Variants in MGST1 observed in about 807,000 individuals in gnomAD.
The protein encoded by MGST1 is microsomal glutathione S-transferase 1.
Under a neutral mutation model 8.9 loss-of-function variants are expected in MGST1, and 5 were observed. That is an observed-to-expected ratio of 0.56 (90% CI 0.29 to 1.19). The LOEUF is 1.19. MGST1 is among the 50% of genes most tolerant of loss of function. The pLI is 0.08. For synonymous variants in MGST1, 54 were observed against 67.8 expected, an observed-to-expected ratio of 0.80 and a Z score of 1.00; for missense variants, 182 against 187.4, an observed-to-expected ratio of 0.97 and a Z score of 0.17.
chr12:16,390,554 T>G (rs1355036707), intron 1 of MGST1, among the ~76,000 whole-genome samples: 1 of 152,174 alleles, frequency 6.6e-6, no homozygotes, highest in Non-Finnish European at 1.5e-5. Context: ...CAGTATTTGG[T>G]TTTCTGTTTC....
intron 4 of MGST1, among the ~76,000 whole-genome samples, chr12:16,449,073 T>C (rs760508917): frequency 3.9e-5 from 6 of 151,972 alleles, no homozygotes; most frequent in Non-Finnish European, 5.9e-5. Context: ...TAACTTTAGT[T>C]GTTATATTAG....
chr12:16,431,835 AAAC>A (rs1164937256), intron 1 of MGST1, among the ~76,000 whole-genome samples: 2 of 152,198 alleles, frequency 1.3e-5, no homozygotes, highest in African/African-American at 4.8e-5. Context: ...CAACAACAAC[AAAC>A]AACAACAAAA....
chr12:16,548,290 A>G lies in MGST1; in HGVS notation n.483-41238A>G, dbSNP rs1941862426. The G allele has an allele frequency of 6.6e-6, 1 of 151,514 alleles. No homozygotes were observed. The highest frequency in any genetic ancestry group is 6.6e-5 in the Admixed American group (1 of 15,100). The allele number at this position is 151,514 out of a possible 1,614,324, so 9.4% of individuals were successfully genotyped here. A position where few individuals can be genotyped will look rare whatever the true frequency, so the allele number is the denominator to read the frequency against. On this transcript the variant is annotated intron_variant and non_coding_transcript_variant, in intron 4 of 4. Coordinates refer to the MGST1 transcript ENST00000538857. This position sits in a 1 kb window ranked among gnomAD's most constrained non-coding sequence, Gnocchi z 4.2. ...TTAGCTTTAGAAAGTAAATGTCCTT[A>G]CACACCTTTTTTTTCTTTTCATGGA...
intron 4 of MGST1, among the ~76,000 whole-genome samples, chr12:16,529,528 A>G (rs753496566): frequency 1.5e-4 from 23 of 152,014 alleles, no homozygotes; most frequent in Admixed American, 6.6e-4. Flanking sequence ...TTTTTAATAT[A>G]CCTGTCTTTA....
At chr12:16,565,196 C>T (rs1243330780) in intron 4 of MGST1, among the ~76,000 whole-genome samples, 3 of 152,044 alleles carry the variant, frequency 2.0e-5, no homozygotes, top group Admixed American at 6.6e-5. Flanking sequence ...GTTTGGCTTT[C>T]GAAGACTATG....
intron 4 of MGST1, among the ~76,000 whole-genome samples, chr12:16,583,885 A>G (rs1302566346): frequency 6.6e-6 from 1 of 152,198 alleles, no homozygotes; most frequent in Non-Finnish European, 1.5e-5. Context: ...AGGTTTGACC[A>G]AATTAGGAGA....
intron 4 of MGST1, among the ~76,000 whole-genome samples, chr12:16,561,306 C>A (rs763487013): frequency 2.0e-5 from 3 of 152,116 alleles, no homozygotes; most frequent in Non-Finnish European, 4.4e-5. Context: ...TCCATTTGCA[C>A]TGGCAATATT....
In MGST1 at chr12:16,587,988, T is replaced by A. The variant is rs1042684396; in HGVS notation, n.483-1540T>A. Reference sequence around the variant, plus strand: ...GCTTAAAAAGTCCCTTTCTTTCAGATAATTACCCTGTCTTTCTCTTACGAC... The same window carrying A: ...GCTTAAAAAGTCCCTTTCTTTCAGAAAATTACCCTGTCTTTCTCTTACGAC... On this transcript the variant is annotated intron_variant and non_coding_transcript_variant, in intron 4 of 4. Coordinates refer to the MGST1 transcript ENST00000538857. This position sits in a 1 kb window ranked among gnomAD's most constrained non-coding sequence, Gnocchi z 4.3. 6.6e-6 allele frequency among the ~76,000 whole-genome samples: 1 copy of A among 152,140 alleles called. No individual in the cohort carries two copies. Among genetic ancestry groups the A allele is most frequent in the African/African-American group, 2.4e-5 (1 of 41,456 alleles).
intron 4 of MGST1, among the ~76,000 whole-genome samples, chr12:16,491,188 G>A (rs1328008886): frequency 6.6e-6 from 1 of 152,104 alleles, no homozygotes; most frequent in African/African-American, 2.4e-5. Flanking sequence ...TCTGTTGTAT[G>A]GTCATCCTTT....
chr12:16,564,730 G>C (rs1369163075), intron 4 of MGST1, among the ~76,000 whole-genome samples: 5 of 152,124 alleles, frequency 3.3e-5, no homozygotes, highest in Non-Finnish European at 7.3e-5. Context: ...CCTTAATTCT[G>C]AGTAAAGATC....
chr12:16,393,857 A>G (rs1035514603), intron 1 of MGST1, among the ~76,000 whole-genome samples: 1 of 152,220 alleles, frequency 6.6e-6, no homozygotes, highest in African/African-American at 2.4e-5. Flanking sequence ...ATCAAATGGT[A>G]TAGTCTTTTA....
chr12:16,529,980 A>G (rs1941712283), intron 4 of MGST1, among the ~76,000 whole-genome samples: 1 of 152,130 alleles, frequency 6.6e-6, no homozygotes, highest in Non-Finnish European at 1.5e-5. Flanking sequence ...AGTTTCTGCA[A>G]ATAGCAAAAA....
chr12:16,435,275 A>C lies in MGST1; in HGVS notation n.779-2113A>C, dbSNP rs12425588. ...AAAAAATACAAATGAATATATATTG[A>C]TATAGCCCAGGTACACTAATGAATT... On this transcript the variant is annotated intron_variant and non_coding_transcript_variant, in intron 1 of 1. Transcript: ENST00000359720. Among the ~76,000 whole-genome samples the C allele has an allele frequency of 4.6e-3, 702 of 152,056 alleles. 14 individuals carry two copies. Among genetic ancestry groups the C allele is most frequent in the East Asian group, 0.017 (90 of 5,158 alleles).
intron 4 of MGST1, among the ~76,000 whole-genome samples, chr12:16,444,787 G>A (rs968439323): frequency 2.6e-5 from 4 of 151,872 alleles, no homozygotes; most frequent in Admixed American, 6.6e-5. Context: ...ATTTATCATG[G>A]ATTGCTGCAG....
At position 16,555,557 on chromosome 12, in the gene MGST1, T is replaced by C. The variant is rs1439991756; in HGVS notation, n.483-33971T>C. Reference sequence around the variant, plus strand: ...TATTCCAGAAACCAACAGCTTTAAATAACAAATGTATTTTAGATGACTAAT... The same window carrying C: ...TATTCCAGAAACCAACAGCTTTAAACAACAAATGTATTTTAGATGACTAAT... On this transcript the variant is annotated intron_variant and non_coding_transcript_variant, in intron 4 of 4. Transcript: ENST00000538857. This position sits in a 1 kb window ranked among gnomAD's most constrained non-coding sequence, Gnocchi z 5.5. Among the ~76,000 whole-genome samples the C allele has an allele frequency of 6.6e-6, 1 of 152,240 alleles. No homozygotes were observed. The highest frequency in any genetic ancestry group is 1.5e-5 in the Non-Finnish European group (1 of 68,040).
intron 4 of MGST1, among the ~76,000 whole-genome samples, chr12:16,459,358 C>A (rs1324933331): frequency 6.6e-6 from 1 of 151,958 alleles, no homozygotes; most frequent in Non-Finnish European, 1.5e-5. Context: ...TAACTTGGTA[C>A]AATGTGGTGA....
Position 16,397,586 on chromosome 12 carries a change from A to C in MGST1, n.778+13982A>C, listed in dbSNP as rs185079761. 3.1e-3 allele frequency among the ~76,000 whole-genome samples: 476 copies of C among 152,114 alleles called. 1 individual carries two copies. Among genetic ancestry groups the C allele is most frequent in the Non-Finnish European group, 3.9e-3 (263 of 67,960 alleles). On this transcript the variant is annotated intron_variant and non_coding_transcript_variant, in intron 1 of 1. Transcript: ENST00000359720. ...AACTCAAACAAAATAGCAAAAAAAA[A>C]CAAACAACAAAGAGTCCCATCAAAA...
rs527285518 is a variant in MGST1, at chr12:16,386,938, T to G, written n.778+3334T>G. Reference sequence around the variant, plus strand: ...CCCTGTCAGTCACTTAGCAGCCAGCTTGGTGATCAGATCGATTGTAGTGGC... The same window carrying G: ...CCCTGTCAGTCACTTAGCAGCCAGCGTGGTGATCAGATCGATTGTAGTGGC... On this transcript the variant is annotated intron_variant and non_coding_transcript_variant, in intron 1 of 1. Coordinates refer to the MGST1 transcript ENST00000359720. Among the ~76,000 whole-genome samples the G allele has an allele frequency of 9.7e-4, 148 of 152,320 alleles. 1 individual carries two copies. The highest frequency in any genetic ancestry group is 3.4e-3 in the Middle Eastern group (1 of 294).
intron 1 of MGST1, among the ~76,000 whole-genome samples, chr12:16,394,548 T>TC (rs1940587270): frequency 1.2e-5 from 1 of 81,540 alleles, no homozygotes; most frequent in Non-Finnish European, 2.4e-5. Context: ...CTTTCTTTCT[T>TC]TCTTTCTTTC....
Sources: gnomAD v4.1 joint callset for allele counts (sites outside exome capture counted in the v4.1 genomes callset) on GRCh38, gnomAD v4.1.1 for gene constraint, Gnocchi (gnomAD v3.1) non-coding constraint, MANE v1.5 for transcripts, NCBI Gene and HGNC (gene_info 2026-07-23, HGNC 2026-07-21) for gene names.